Variants in ZNF385D observed in about 807,000 individuals in gnomAD.
The protein encoded by ZNF385D is zinc finger protein 385D.
Under a neutral mutation model 35.8 loss-of-function variants are expected in ZNF385D, and 15 were observed. The observed-to-expected ratio is 0.42, with a 90% CI of 0.28 to 0.64. ZNF385D has a LOEUF of 0.64. ZNF385D is among the 30% of genes least tolerant of loss of function. The probability of loss-of-function intolerance (pLI) is 0.23; values close to 1 mark genes in which losing one functional copy is unlikely to be tolerated. For missense variants in ZNF385D, 474 were observed against 494.6 expected (o/e 0.96, Z 0.39); for synonymous variants, 212 against 186.8 (o/e 1.13, Z -1.10).
intron 2 of ZNF385D, among the ~76,000 whole-genome samples, chr3:22,184,452 A>G (rs1173116314): frequency 6.6e-6 from 1 of 152,158 alleles, no homozygotes; most frequent in African/African-American, 2.4e-5. Context: ...GTGTGTGCTA[A>G]TGTATAAAAC....
At chr3:22,280,344 G>A (rs964579294) in intron 2 of ZNF385D, among the ~76,000 whole-genome samples, 2 of 149,094 alleles carry the variant, frequency 1.3e-5, no homozygotes, top group Non-Finnish European at 3.0e-5. Context: ...CAAAGTCTTT[G>A]CCTAAGCCAT....
chr3:22,254,586 G>A (rs1207549566), intron 2 of ZNF385D, among the ~76,000 whole-genome samples: 2 of 151,486 alleles, frequency 1.3e-5, no homozygotes, highest in Non-Finnish European at 2.9e-5. Context: ...ATATTCCAAG[G>A]CCCTCAGTGG....
At chr3:21,778,372 T>C (rs2071370702) in intron 3 of ZNF385D, among the ~76,000 whole-genome samples, 1 of 151,914 alleles carries the variant, frequency 6.6e-6, no homozygotes, top group Non-Finnish European at 1.5e-5. Flanking sequence ...ATTTTATCCC[T>C]ACCCGCAGAG....
intron 3 of ZNF385D, among the ~76,000 whole-genome samples, chr3:22,094,548 A>G (rs1431845941): frequency 1.3e-5 from 2 of 151,794 alleles, no homozygotes; most frequent in Non-Finnish European, 2.9e-5. Context: ...CCAGACACAC[A>G]TGAAAGCAGA....
intron 2 of ZNF385D, among the ~76,000 whole-genome samples, chr3:22,200,911 T>A (rs187634091): frequency 6.6e-6 from 1 of 152,272 alleles, no homozygotes; most frequent in African/African-American, 2.4e-5. Flanking sequence ...TCTCTCTTGT[T>A]CCCTCAACAC....
intron 3 of ZNF385D, among the ~76,000 whole-genome samples, chr3:22,145,007 CAT>C (rs1464972302): frequency 5.3e-4 from 35 of 65,578 alleles, no homozygotes; most frequent in African/African-American, 1.5e-3. Flanking sequence ...GTTGAAGATA[CAT>C]ATGTGTGTGT....
At chr3:22,320,682 C>A (rs1458742682) in intron 2 of ZNF385D, among the ~76,000 whole-genome samples, 1 of 150,024 alleles carries the variant, frequency 6.7e-6, no homozygotes, top group African/African-American at 2.5e-5. Context: ...ATTAAAACTA[C>A]AACTTAAAAA....
chr3:21,815,191 G>T (rs9808993), intron 3 of ZNF385D, among the ~76,000 whole-genome samples: 1 of 152,054 alleles, frequency 6.6e-6, no homozygotes, highest in Admixed American at 6.6e-5. Context: ...GCAGTGTGTA[G>T]AGGGGAATTT....
chr3:21,759,931 G>C (rs950855357), intron 3 of ZNF385D, among the ~76,000 whole-genome samples: 4 of 152,122 alleles, frequency 2.6e-5, no homozygotes, highest in Non-Finnish European at 4.4e-5. Context: ...CCCCAATGTT[G>C]CAAGAATTCA....
intron 1 of ZNF385D, among the ~76,000 whole-genome samples, chr3:21,684,496 C>T (rs1478747134): frequency 6.7e-6 from 1 of 149,530 alleles, no homozygotes; most frequent in Non-Finnish European, 1.5e-5. Context: ...CAACCCAGAC[C>T]ATTTCAATAA....
chr3:21,622,181 T>C (rs1331488415), intron 2 of ZNF385D, among the ~76,000 whole-genome samples: 1 of 152,118 alleles, frequency 6.6e-6, no homozygotes, highest in African/African-American at 2.4e-5. Context: ...AAGATGAATC[T>C]ATTTTAATAG....
intron 3 of ZNF385D, among the ~76,000 whole-genome samples, chr3:21,885,112 G>A (rs996826575): frequency 6.6e-6 from 1 of 151,874 alleles, no homozygotes; most frequent in Admixed American, 6.6e-5. Context: ...AAAGAAAGTG[G>A]TGGAAAAAAT....
intron 2 of ZNF385D, among the ~76,000 whole-genome samples, chr3:21,608,023 G>GTT (rs572518584): frequency 2.2e-4 from 27 of 120,242 alleles, no homozygotes; most frequent in Middle Eastern, 5.0e-3. Flanking sequence ...TTTTTTTTTT[G>GTT]TTTTTTTTTT....
chr3:21,622,367 C>T (rs1559467397), intron 2 of ZNF385D, among the ~76,000 whole-genome samples: 1 of 152,084 alleles, frequency 6.6e-6, no homozygotes, highest in Non-Finnish European at 1.5e-5. Context: ...CTTCCTTTTT[C>T]ACTTAGTTTG....
At chr3:22,165,035 G>C (rs936871126) in intron 3 of ZNF385D, among the ~76,000 whole-genome samples, 1 of 152,122 alleles carries the variant, frequency 6.6e-6, no homozygotes, top group South Asian at 2.1e-4. Flanking sequence ...GAGCACAGAG[G>C]ACTTTTAGGG....
chr3:22,309,808 A>C (rs2125425803), intron 2 of ZNF385D, among the ~76,000 whole-genome samples: 1 of 152,112 alleles, frequency 6.6e-6, no homozygotes, highest in Non-Finnish European at 1.5e-5. Context: ...TTCAAAATTA[A>C]GTATTTTCAC....
intron 2 of ZNF385D, among the ~76,000 whole-genome samples, chr3:22,337,566 C>A (rs1388872346): frequency 6.6e-6 from 1 of 151,968 alleles, no homozygotes; most frequent in African/African-American, 2.4e-5. Flanking sequence ...AGTTAAAATA[C>A]TCATTTGGTA....
chr3:21,723,132 G>T (rs574640970), intron 1 of ZNF385D, among the ~76,000 whole-genome samples: 1 of 152,190 alleles, frequency 6.6e-6, no homozygotes, highest in African/African-American at 2.4e-5. Flanking sequence ...TCCACTCAGA[G>T]ACCCCATCCA....
At chr3:22,372,081 G>A (rs558357088) in intron 2 of ZNF385D, among the ~76,000 whole-genome samples, 24 of 152,082 alleles carry the variant, frequency 1.6e-4, no homozygotes, top group African/African-American at 5.5e-4. Flanking sequence ...TTACCGGGTG[G>A]CCCAGCCCTC....
Sources: gnomAD v4.1 joint callset for allele counts (sites outside exome capture counted in the v4.1 genomes callset) on GRCh38, gnomAD v4.1.1 for gene constraint, MANE v1.5 for transcripts, NCBI Gene and HGNC (gene_info 2026-07-23, HGNC 2026-07-21) for gene names.